Variants in EML6 observed in about 807,000 individuals in gnomAD.
EML6 encodes echinoderm microtubule-associated protein-like 6.
A neutral mutation model predicts 240.1 loss-of-function variants in EML6; 154 were observed. The observed-to-expected ratio is 0.64, with a 90% CI of 0.56 to 0.73. The LOEUF is 0.73. Ranked by LOEUF, EML6 falls within the 30% of genes least tolerant of loss-of-function variation. EML6 has a pLI of 0.00. For synonymous variants in EML6, 1,148 were observed against 899.0 expected, an observed-to-expected ratio of 1.28 and a Z score of -4.95; for missense variants, 2,964 against 2,474.6, an observed-to-expected ratio of 1.20 and a Z score of -4.20.
intron 15 of EML6, among the ~76,000 whole-genome samples, chr2:54,871,279 C>G (rs1214977880): frequency 1.3e-5 from 2 of 152,206 alleles, no homozygotes; most frequent in Admixed American, 6.5e-5. Flanking sequence ...AGGTTAGGCT[C>G]TGTTGGAACT....
chr2:54,802,845 C>G (rs769986086), intron 2 of EML6, among the ~76,000 whole-genome samples: 2 of 152,120 alleles, frequency 1.3e-5, no homozygotes, highest in Non-Finnish European at 2.9e-5. Flanking sequence ...AGTAGAGAGA[C>G]ACACTCTTAC....
chr2:54,873,432 C>A (rs1251628550), intron 16 of EML6, among the ~76,000 whole-genome samples: 1 of 152,202 alleles, frequency 6.6e-6, no homozygotes, highest in Non-Finnish European at 1.5e-5. Flanking sequence ...GTCAGTAATT[C>A]ACTCAATAAA....
intron 2 of EML6, among the ~76,000 whole-genome samples, chr2:54,804,605 G>T (rs1418605123): frequency 6.6e-6 from 1 of 152,178 alleles, no homozygotes; most frequent in Non-Finnish European, 1.5e-5. Context: ...ATGCCTTCTT[G>T]TGTCAGTTAA....
intron 22 of EML6, among the ~76,000 whole-genome samples, chr2:54,902,314 T>TG (rs1673099907): frequency 2.0e-5 from 3 of 152,242 alleles, no homozygotes; most frequent in African/African-American, 7.2e-5. Flanking sequence ...ATTTAAATAC[T>TG]CATAAATGAA....
At chr2:54,888,011 G>T (rs1360145084) in intron 17 of EML6, among the ~76,000 whole-genome samples, 2 of 152,196 alleles carry the variant, frequency 1.3e-5, no homozygotes, top group Non-Finnish European at 2.9e-5. Context: ...TATTTTTCAT[G>T]TAGCGTTACC....
At position 54,769,236 on chromosome 2, in the gene EML6, C is replaced by A. The variant is rs184967235; in HGVS notation, c.197+43978C>A. Reference sequence around the variant, plus strand: ...TTAGTAGTGATGTCAGAAGACTTCACTATAATTCTAGGCTAGAATATTGCC... The same window carrying A: ...TTAGTAGTGATGTCAGAAGACTTCAATATAATTCTAGGCTAGAATATTGCC... On this transcript the variant is annotated intron_variant, in intron 2 of 41. Transcript: ENST00000356458. Among the ~76,000 whole-genome samples, 430 of 152,276 alleles carry A rather than the reference C, an allele frequency of 2.8e-3. 2 individuals carry two copies. Among genetic ancestry groups the A allele is most frequent in the Admixed American group, 0.026 (399 of 15,300 alleles).
At chr2:54,943,966 C>T (rs916354853) in intron 28 of EML6, among the ~76,000 whole-genome samples, 2 of 152,132 alleles carry the variant, frequency 1.3e-5, no homozygotes, top group Non-Finnish European at 2.9e-5. Flanking sequence ...GTTCTTCTCT[C>T]GCCTTTTTGA....
intron 2 of EML6, among the ~76,000 whole-genome samples, chr2:54,805,996 A>G (rs1299698159): frequency 2.6e-5 from 4 of 152,052 alleles, no homozygotes; most frequent in Admixed American, 6.5e-5. Context: ...ATTCTATACC[A>G]TTGATTTGTA....
At chr2:54,890,146 A>G (rs1425036689) in intron 17 of EML6, among the ~76,000 whole-genome samples, 1 of 152,212 alleles carries the variant, frequency 6.6e-6, no homozygotes, top group Non-Finnish European at 1.5e-5. Context: ...GAAAATGATA[A>G]TATGATTTTT....
Position 54,847,707 on chromosome 2 carries a change from C to G in EML6, c.1187+84C>G. 3 of 1,429,546 alleles carry G rather than the reference C, an allele frequency of 2.1e-6. No homozygotes were observed. The South Asian group carries it at 3.9e-5, about 19-fold the overall frequency. The allele number at this position is 1,429,546 out of a possible 1,614,324, so 88.6% of individuals were successfully genotyped here. On this transcript the variant is annotated intron_variant, in intron 9 of 41. Transcript: ENST00000356458. ...TTCCTGGTCATAATACATGCTAGGA[C>G]CTTAGGAAAAATCCATTTAGCCATT...
chr2:54,770,636 G>T (rs1164301123), intron 2 of EML6, among the ~76,000 whole-genome samples: 1 of 152,064 alleles, frequency 6.6e-6, no homozygotes, highest in Non-Finnish European at 1.5e-5. Context: ...GGCTTCTCTT[G>T]CCACCATTCC....
At chr2:54,811,702 C>T (rs542420074) in intron 2 of EML6, among the ~76,000 whole-genome samples, 7 of 152,316 alleles carry the variant, frequency 4.6e-5, no homozygotes, top group Non-Finnish European at 8.8e-5. Context: ...AAACTGCTTC[C>T]ATCCACTCAG....
At chr2:54,968,107 C>G in intron 39 of EML6, 21 bp from the exon 40 acceptor site, 1 of 1,550,134 alleles carries the variant, frequency 6.5e-7, no homozygotes, top group East Asian at 2.4e-5. Flanking sequence ...TCTATCCTAA[C>G]CCCTCTTTCT....
At position 54,971,022 on chromosome 2, in the gene EML6, A is replaced by T. The variant is rs980301862; in HGVS notation, c.*927A>T. The T allele has an allele frequency of 6.6e-6, 1 of 152,258 alleles. No homozygotes were observed. Among genetic ancestry groups the T allele is most frequent in the African/African-American group, 2.4e-5 (1 of 41,462 alleles). The allele number at this position is 152,258 out of a possible 1,614,324, so 9.4% of individuals were successfully genotyped here. On this transcript the variant is annotated 3_prime_UTR_variant, in exon 42 of 42. Transcript: ENST00000356458. Reference sequence around the variant, plus strand: ...AGGGGAAAAAGGCTCAGGAAGGTCTATGAGAATGAGCTGACTTATCTCGTT... The same window carrying T: ...AGGGGAAAAAGGCTCAGGAAGGTCTTTGAGAATGAGCTGACTTATCTCGTT...
chr2:54,847,447 G>A (rs1246861421), intron 8 of EML6, 39 bp from the exon 9 acceptor site: 1 of 1,542,056 alleles, frequency 6.5e-7, no homozygotes, highest in South Asian at 1.2e-5. Context: ...ACCATGGGAA[G>A]TTGGTTTTGT....
At chr2:54,846,343 T>C (rs1669751794) in intron 8 of EML6, among the ~76,000 whole-genome samples, 1 of 152,032 alleles carries the variant, frequency 6.6e-6, no homozygotes, top group Non-Finnish European at 1.5e-5. Context: ...CTTTTATATA[T>C]TTACATACAT....
intron 28 of EML6, among the ~76,000 whole-genome samples, chr2:54,937,178 T>C (rs1675180777): frequency 6.6e-6 from 1 of 151,564 alleles, no homozygotes; most frequent in Admixed American, 6.6e-5. Context: ...CTTGAGAGGC[T>C]GAGGCAGGAG....
chr2:54,966,830 T>C, intron 38 of EML6, 170 bp from the exon 39 acceptor site: 1 of 469,482 alleles, frequency 2.1e-6, no homozygotes. Flanking sequence ...AATGGCCTGC[T>C]GTTGTTGTCA....
At chr2:54,755,319 C>G (rs2103729150) in intron 2 of EML6, among the ~76,000 whole-genome samples, 1 of 152,304 alleles carries the variant, frequency 6.6e-6, no homozygotes, top group South Asian at 2.1e-4. Context: ...GGTACTTCTT[C>G]AGAGTTGTCT....
Sources: allele counts gnomAD v4.1 joint callset (sites outside exome capture counted in the v4.1 genomes callset), GRCh38; gene constraint gnomAD v4.1.1; transcripts MANE v1.5; gene names NCBI Gene and HGNC (gene_info 2026-07-23, HGNC 2026-07-21).